MTARC1: variants seen among roughly 807,000 people sequenced by gnomAD.
MTARC1 encodes the protein mitochondrial amidoxime reducing component 1, also known as mitochondrial amidoxime-reducing component 1.
A neutral mutation model predicts 33.6 loss-of-function variants in MTARC1; 24 were observed. That is an observed-to-expected ratio of 0.72 (90% CI 0.52 to 1.01). The LOEUF (loss-of-function observed/expected upper bound fraction) is 1.01, where lower values mean the gene tolerates loss of function less well. MTARC1 is among the 50% of genes least tolerant of loss of function. MTARC1 has a pLI of 0.00. For missense variants in MTARC1, 417 were observed against 445.7 expected (o/e 0.94, Z 0.58); for synonymous variants, 187 against 189.5 (o/e 0.99, Z 0.11).
rs769004486 is a variant in MTARC1, at chr1:220,805,193, G to A, written c.816-10G>A. 4.3e-6 allele frequency: 7 copies of A among 1,614,096 alleles called. No homozygotes were observed. In the South Asian group the frequency reaches 7.7e-5, roughly 18 times the overall value. On this transcript the variant is annotated splice_polypyrimidine_tract_variant and intron_variant, in intron 5 of 6. Transcript: ENST00000366910. Reference sequence around the variant, plus strand: ...CTGTCCCCCTTATGATGCTCTGTGTGTGTGTCCAGATGCATTTTAACCACA... The same window carrying A: ...CTGTCCCCCTTATGATGCTCTGTGTATGTGTCCAGATGCATTTTAACCACA...
chr1:220,802,955 C>T (rs372612394), intron 4 of MTARC1, among the ~76,000 whole-genome samples: 1 of 152,216 alleles, frequency 6.6e-6, no homozygotes, highest in South Asian at 2.1e-4. Flanking sequence ...TAGTGGCTCT[C>T]CATGTCACAA....
intron 1 of MTARC1, among the ~76,000 whole-genome samples, chr1:220,788,754 C>T (rs1371296518): frequency 6.7e-6 from 1 of 150,262 alleles, no homozygotes; most frequent in Non-Finnish European, 1.5e-5. Context: ...GCAGAGATCT[C>T]GCCACTGCAC....
In MTARC1 at chr1:220,786,939, C is replaced by A; in HGVS notation, c.-6C>A. The A allele has an allele frequency of 1.6e-6, 2 of 1,236,150 alleles. No individual in the cohort carries two copies. Among genetic ancestry groups the A allele is most frequent in the Non-Finnish European group, 2.0e-6 (2 of 991,636 alleles). 76.6% of individuals were successfully genotyped at this position (1,236,150 alleles called of 1,614,324 possible). ...TTGCCGCCGCCACCTCGCGGAGAAGCCAGCCATGGGCGCCGCCGGCTCCTC... is the reference window on the plus strand; with the variant it reads ...TTGCCGCCGCCACCTCGCGGAGAAGACAGCCATGGGCGCCGCCGGCTCCTC... On this transcript the variant is annotated 5_prime_UTR_variant, in exon 1 of 7. Transcript: ENST00000366910.
In MTARC1 at chr1:220,811,184, T is replaced by G. The variant is rs190680748; in HGVS notation, c.888-2108T>G. Among the ~76,000 whole-genome samples the G allele has an allele frequency of 1.6e-3, 240 of 152,316 alleles. 1 individual carries two copies. Among genetic ancestry groups the G allele is most frequent in the Middle Eastern group, 3.4e-3 (1 of 294 alleles). On this transcript the variant is annotated intron_variant, in intron 6 of 6. Transcript: ENST00000366910. ...ATAGATCTCAGAATGTCATGAATGT[T>G]GCATGCTGAAAGAGGAGAGCCAGGC...
chr1:220,803,221 C>T (rs1024434151), intron 4 of MTARC1, among the ~76,000 whole-genome samples: 5 of 152,124 alleles, frequency 3.3e-5, no homozygotes, highest in African/African-American at 1.2e-4. Context: ...AGAGTGCGTG[C>T]AGGGGAACTG....
At chr1:220,805,871 GA>G (rs1672954986) in intron 6 of MTARC1, among the ~76,000 whole-genome samples, 1 of 152,022 alleles carries the variant, frequency 6.6e-6, no homozygotes, top group Admixed American at 6.6e-5. Context: ...ACAGTACCGA[GA>G]ATCATTTTAA....
intron 6 of MTARC1, among the ~76,000 whole-genome samples, chr1:220,808,213 C>A (rs972985749): frequency 6.6e-6 from 1 of 152,144 alleles, no homozygotes; most frequent in Non-Finnish European, 1.5e-5. Flanking sequence ...ATCTTCAGTG[C>A]CCCCCTTCCT....
At chr1:220,804,508 C>T (rs1672909274) in intron 4 of MTARC1, among the ~76,000 whole-genome samples, 2 of 152,308 alleles carry the variant, frequency 1.3e-5, no homozygotes, top group East Asian at 3.9e-4. Flanking sequence ...CCCCTGGCTG[C>T]AGTGCTTCGT....
chr1:220,796,480 C>T (rs1471720991), intron 2 of MTARC1, among the ~76,000 whole-genome samples, 163 bp from the exon 3 acceptor site: 1 of 152,154 alleles, frequency 6.6e-6, no homozygotes, highest in African/African-American at 2.4e-5. Flanking sequence ...TTTGGCCTTA[C>T]ACAGGTTTGG....
Position 220,813,523 on chromosome 1 carries a change from T to A in MTARC1, c.*105T>A. 1 of 1,465,666 alleles carries A rather than the reference T, an allele frequency of 6.8e-7. No individual in the cohort carries two copies. Among genetic ancestry groups the A allele is most frequent in the Non-Finnish European group, 9.2e-7 (1 of 1,083,236 alleles). 90.8% of individuals were successfully genotyped at this position (1,465,666 alleles called of 1,614,324 possible). A position where few individuals can be genotyped will look rare whatever the true frequency, so the allele number is the denominator to read the frequency against. ...AGAACTGAGACCTCTACATTTTCTT[T>A]AAATTTGTGATTTTCACATTTTTCG... is the stretch of plus-strand genomic sequence containing the variant. On this transcript the variant is annotated 3_prime_UTR_variant, in exon 7 of 7. Coordinates refer to ENST00000366910, the MANE Select transcript of MTARC1 (RefSeq NM_022746.4).
rs72470587 is a variant in MTARC1, at chr1:220,790,796, A to G, written c.276-695A>G. On this transcript the variant is annotated intron_variant, in intron 1 of 6. Transcript: ENST00000366910. ...TAGCTGAGAGATAACCTGCAAAAACATGTTGTTCTTGTTCTGGAAATGGCT... is the reference window on the plus strand; with the variant it reads ...TAGCTGAGAGATAACCTGCAAAAACGTGTTGTTCTTGTTCTGGAAATGGCT... 9.2e-3 allele frequency among the ~76,000 whole-genome samples: 1,397 copies of G among 152,328 alleles called. 11 individuals carry two copies. The highest frequency in any genetic ancestry group is 0.059 in the East Asian group (306 of 5,188).
At chr1:220,789,936 T>C (rs944822059) in intron 1 of MTARC1, among the ~76,000 whole-genome samples, 13 of 152,322 alleles carry the variant, frequency 8.5e-5, no homozygotes, top group Non-Finnish European at 1.9e-4. Context: ...TATTGCTTAA[T>C]TGGTACAGAG....
chr1:220,799,256 G>A (rs991704445), intron 4 of MTARC1: 2 of 871,616 alleles, frequency 2.3e-6, no homozygotes, highest in South Asian at 1.1e-4. Context: ...TTCTAAAGAT[G>A]GTGGAGAACT....
Position 220,787,046 on chromosome 1 carries a change from G to C in MTARC1, c.102G>C (p.Ala34=). The C allele has an allele frequency of 7.1e-7, 1 of 1,403,250 alleles. No homozygotes were observed. Among genetic ancestry groups the C allele is most frequent in the Admixed American group, 3.8e-5 (1 of 26,338 alleles). 86.9% of individuals were successfully genotyped at this position (1,403,250 alleles called of 1,614,324 possible). ...CCGCGCTGGGCCTGACCGCGGTGGC[G>C]CTGGGGGCTGTCGCCTGGCGCCGCG... ...GVAALGLTAV[A]LGAVAWRRAW... is the part of the protein sequence containing the mutation. The change falls in exon 1 of 7, where the codon GCG becomes GCC. Residue 34 remains alanine (A), a synonymous_variant. Coordinates refer to ENST00000366910, the MANE Select transcript of MTARC1 (RefSeq NM_022746.4).
rs1673337725 is a variant in MTARC1 at position 220,819,221 on chromosome 1, A to C, written c.*5803A>C. ...ACCCTTTATGTTGACCTGACATCAT[A>C]GTTTATATTATAAAATGTATTAATG... On this transcript the variant is annotated 3_prime_UTR_variant, in exon 7 of 7. Transcript: ENST00000366910. 6.6e-6 allele frequency: 1 copy of C among 152,252 alleles called. No homozygotes were observed. Among genetic ancestry groups the C allele is most frequent in the Non-Finnish European group, 1.5e-5 (1 of 68,044 alleles). The allele number at this position is 152,252 out of a possible 1,614,324, so 9.4% of individuals were successfully genotyped here.
intron 2 of MTARC1, among the ~76,000 whole-genome samples, chr1:220,794,990 A>G (rs560975205): frequency 6.6e-6 from 1 of 152,314 alleles, no homozygotes; most frequent in East Asian, 1.9e-4. Context: ...ATGACTTCTC[A>G]TTTTAGATAT....
rs561480022 is a variant in MTARC1, at chr1:220,814,940, T to C, written c.*1522T>C. Reference sequence around the variant, plus strand: ...CTGCACATTTTTCACTTTGATTTTATAAAAGAGGTCAGTAATCGCTGAAAT... The same window carrying C: ...CTGCACATTTTTCACTTTGATTTTACAAAAGAGGTCAGTAATCGCTGAAAT... On this transcript the variant is annotated 3_prime_UTR_variant, in exon 7 of 7. Coordinates refer to ENST00000366910, the MANE Select transcript of MTARC1 (RefSeq NM_022746.4). 6 of 152,304 alleles carry C rather than the reference T, an allele frequency of 3.9e-5. No individual in the cohort carries two copies. The East Asian group carries it at 1.2e-3, about 29-fold the overall frequency. The allele number at this position is 152,304 out of a possible 1,614,324, so 9.4% of individuals were successfully genotyped here.
At chr1:220,810,421 C>G (rs1673095023) in intron 6 of MTARC1, among the ~76,000 whole-genome samples, 1 of 152,158 alleles carries the variant, frequency 6.6e-6, no homozygotes, top group African/African-American at 2.4e-5. Flanking sequence ...CGCAGCAAAA[C>G]CAGGCAGCTG....
chr1:220,788,250 C>T (rs902254240), intron 1 of MTARC1, among the ~76,000 whole-genome samples: 6 of 152,186 alleles, frequency 3.9e-5, no homozygotes, highest in African/African-American at 1.2e-4. Context: ...GGCTGCAAAA[C>T]CCGGGAGCCG....
Sources: allele counts gnomAD v4.1 joint callset (sites outside exome capture counted in the v4.1 genomes callset), GRCh38; gene constraint gnomAD v4.1.1; transcripts MANE v1.5; gene names NCBI Gene and HGNC (gene_info 2026-07-23, HGNC 2026-07-21).